Variants in KDM5B observed in about 807,000 individuals in gnomAD.
KDM5B encodes the protein lysine demethylase 5B.
KDM5B carries 144 observed loss-of-function variants against 193.4 expected under a neutral mutation model. The observed-to-expected ratio is 0.74, with a 90% CI of 0.65 to 0.86. The LOEUF (loss-of-function observed/expected upper bound fraction) is 0.86. Ranked by LOEUF, KDM5B falls within the 40% of genes least tolerant of loss-of-function variation. The probability of loss-of-function intolerance (pLI) is 0.00; values close to 1 mark genes in which losing one functional copy is unlikely to be tolerated. For missense variants in KDM5B, 1,833 were observed against 1,886.9 expected (o/e 0.97, Z 0.53); for synonymous variants, 668 against 682.6 (o/e 0.98, Z 0.33).
chr1:202,797,806 T>G (rs149934968), intron 1 of KDM5B, among the ~76,000 whole-genome samples: 15 of 152,358 alleles, frequency 9.8e-5, no homozygotes, highest in African/African-American at 3.6e-4. Flanking sequence ...CCTATATACA[T>G]GCACTACATA....
intron 7 of KDM5B, among the ~76,000 whole-genome samples, chr1:202,761,886 A>C (rs553385885): frequency 1.1e-3 from 173 of 152,282 alleles, no homozygotes; most frequent in African/African-American, 3.8e-3. Context: ...AATTCAACTA[A>C]ATGGGGAGTC....
At chr1:202,788,983 C>CT (rs1263123141) in intron 1 of KDM5B, among the ~76,000 whole-genome samples, 1 of 152,094 alleles carries the variant, frequency 6.6e-6, no homozygotes, top group African/African-American at 2.4e-5. Flanking sequence ...TGACCCCAAC[C>CT]TTGCCTAAGC....
At chr1:202,759,432 T>A (rs1241609892) in intron 8 of KDM5B, among the ~76,000 whole-genome samples, 1 of 151,606 alleles carries the variant, frequency 6.6e-6, no homozygotes, top group Non-Finnish European at 1.5e-5. Context: ...TCCCAGCTAC[T>A]TGGGAGGCTG....
intron 20 of KDM5B, among the ~76,000 whole-genome samples, chr1:202,739,075 A>T (rs1426062031): frequency 1.3e-5 from 2 of 152,178 alleles, no homozygotes; most frequent in Admixed American, 1.3e-4. Flanking sequence ...GCATTTAGTC[A>T]TATAACTAGA....
chr1:202,774,520 G>C, intron 3 of KDM5B, 93 bp downstream of exon 3: 2 of 1,221,740 alleles, frequency 1.6e-6, no homozygotes, highest in Non-Finnish European at 2.4e-6. Flanking sequence ...GAGCCACCTG[G>C]CTGAGCAATA....
chr1:202,750,565 G>A (rs947110502), intron 13 of KDM5B, 94 bp downstream of exon 13: 27 of 1,361,096 alleles, frequency 2.0e-5, no homozygotes, highest in African/African-American at 7.2e-5. Flanking sequence ...ATGAGCTACC[G>A]CACCCAGCCC....
intron 2 of KDM5B, chr1:202,776,312 A>G (rs1656954026): frequency 6.6e-6 from 1 of 152,182 alleles, no homozygotes; most frequent in Admixed American, 6.5e-5. Context: ...TTAAACACTC[A>G]GTAAACCTTC....
At chr1:202,778,596 G>T (rs1297153486) in intron 1 of KDM5B, among the ~76,000 whole-genome samples, 4 of 152,066 alleles carry the variant, frequency 2.6e-5, no homozygotes, top group African/African-American at 4.8e-5. Flanking sequence ...GTACCCTGTA[G>T]CATAGATCTT....
intron 12 of KDM5B, among the ~76,000 whole-genome samples, chr1:202,752,022 C>A (rs1267144516): frequency 6.6e-6 from 1 of 152,190 alleles, no homozygotes; most frequent in Non-Finnish European, 1.5e-5. Context: ...TTTCTGTTGT[C>A]TCCATTGACT....
At chr1:202,793,998 T>C (rs985321193) in intron 1 of KDM5B, among the ~76,000 whole-genome samples, 14 of 152,132 alleles carry the variant, frequency 9.2e-5, no homozygotes, top group African/African-American at 3.1e-4. Flanking sequence ...CCAAAATACA[T>C]CATATTGGAT....
intron 1 of KDM5B, among the ~76,000 whole-genome samples, chr1:202,781,652 T>C (rs979760317): frequency 2.0e-5 from 3 of 152,196 alleles, no homozygotes; most frequent in Non-Finnish European, 2.9e-5. Context: ...TGATATTCTA[T>C]GGTAGGCTAA....
intron 18 of KDM5B, 91 bp from the exon 19 acceptor site, chr1:202,741,813 A>G: frequency 1.4e-6 from 1 of 709,144 alleles, no homozygotes; most frequent in South Asian, 1.9e-5. Context: ...ATATTCAATG[A>G]GATCCCATTT....
intron 1 of KDM5B, among the ~76,000 whole-genome samples, chr1:202,780,142 C>T (rs1011410373): frequency 1.3e-5 from 2 of 152,146 alleles, no homozygotes; most frequent in East Asian, 1.9e-4. Flanking sequence ...AGATTAACAG[C>T]GCATGCCTTG....
chr1:202,735,649 A>G, intron 21 of KDM5B, 62 bp from the exon 22 acceptor site: 1 of 1,487,154 alleles, frequency 6.7e-7, no homozygotes, highest in Non-Finnish European at 9.3e-7. Flanking sequence ...TTATGTAGGA[A>G]GTCCCAAAAT....
chr1:202,808,129 A>C lies in KDM5B; in HGVS notation c.177T>G (p.Thr59=), dbSNP rs1426227748. 1.2e-6 allele frequency: 2 copies of C among 1,612,030 alleles called. No individual in the cohort carries two copies. The highest frequency in any genetic ancestry group is 1.7e-6 in the Non-Finnish European group (2 of 1,179,292). The change falls in exon 1 of 27, where the codon ACT becomes ACG. Residue 59 remains threonine (T), a synonymous_variant. Transcript: ENST00000367265. The part of the protein sequence containing the change: ...IHKIRPIAEQ[T]GICKVRPPPD... ...GCGGCGGCCGCACCTTACAGATGCC[A>C]GTCTGCTCGGCTATGGGCCGGATCT...
In KDM5B at chr1:202,740,790, G is replaced by C. The variant is rs537208378; in HGVS notation, c.2968C>G (p.Leu990Val). ...KARPRHSLNS[L>V]ATAVKEIEEI... ...TCGATTTCCTTTACTGCCGTAGCAA[G>C]GCTATTCAATGAATGTCGTGGCCTA... is the stretch of plus-strand genomic sequence containing the variant. Residue 990 changes from leucine to valine, a missense_variant, in exon 20 of 27, where the codon CTT (leucine) becomes GTT (valine). Transcript: ENST00000367265. 1 of 1,612,248 alleles carries C rather than the reference G, an allele frequency of 6.2e-7. No individual in the cohort carries two copies. Among genetic ancestry groups the C allele is most frequent in the East Asian group, 2.2e-5 (1 of 44,870 alleles).
chr1:202,750,272 C>A (rs1655736866), intron 13 of KDM5B, among the ~76,000 whole-genome samples: 2 of 152,100 alleles, frequency 1.3e-5, no homozygotes, highest in South Asian at 4.1e-4. Context: ...AGGCAACTAT[C>A]CATGTGACAT....
intron 4 of KDM5B, among the ~76,000 whole-genome samples, chr1:202,772,393 T>C (rs1434644340): frequency 2.6e-5 from 4 of 152,236 alleles, no homozygotes; most frequent in African/African-American, 7.2e-5. Flanking sequence ...TGTAGCATTA[T>C]AAAATCCCCT....
At chr1:202,760,750 T>G (rs1656213986) in intron 7 of KDM5B, among the ~76,000 whole-genome samples, 177 bp from the exon 8 acceptor site, 1 of 152,244 alleles carries the variant, frequency 6.6e-6, no homozygotes, top group African/African-American at 2.4e-5. Flanking sequence ...TGAAGGATAT[T>G]TCACAATACC....
Sources: gnomAD v4.1 joint callset for allele counts (sites outside exome capture counted in the v4.1 genomes callset) on GRCh38, gnomAD v4.1.1 for gene constraint, MANE v1.5 for transcripts, NCBI Gene and HGNC (gene_info 2026-07-23, HGNC 2026-07-21) for gene names.